The following IGF2R variants were observed in gnomAD, a reference collection of about 807,000 sequenced individuals.
IGF2R encodes the protein insulin like growth factor 2 receptor.
IGF2R carries 91 observed loss-of-function variants against 270.6 expected under a neutral mutation model. That is an observed-to-expected ratio of 0.34 (90% CI 0.28 to 0.40). IGF2R has a LOEUF of 0.40. Ranked by LOEUF, IGF2R falls within the 10% of genes least tolerant of loss-of-function variation. IGF2R has a pLI of 1.00. For missense variants in IGF2R, 2,805 were observed against 3,188.3 expected (o/e 0.88, Z 2.90); for synonymous variants, 1,316 against 1,258.9 (o/e 1.05, Z -0.96).
intron 10 of IGF2R, among the ~76,000 whole-genome samples, chr6:160,039,371 G>A (rs1777892668): frequency 6.6e-6 from 1 of 152,196 alleles, no homozygotes; most frequent in Admixed American, 6.5e-5. Flanking sequence ...TATGCAGTCT[G>A]TTGTTGACCA....
intron 3 of IGF2R, among the ~76,000 whole-genome samples, chr6:160,009,571 G>A (rs1479625683): frequency 1.3e-5 from 2 of 152,130 alleles, no homozygotes; most frequent in South Asian, 2.1e-4. Flanking sequence ...CTTGGCCCGT[G>A]GGTATGGGGT....
At chr6:160,057,181 A>AT (rs1778334394) in intron 20 of IGF2R, among the ~76,000 whole-genome samples, 1 of 152,126 alleles carries the variant, frequency 6.6e-6, no homozygotes, top group Non-Finnish European at 1.5e-5. Flanking sequence ...ACAGGTGTTA[A>AT]TGTGCCACTT....
intron 45 of IGF2R, 48 bp downstream of exon 45, chr6:160,096,673 T>G (rs1341496374): frequency 6.9e-7 from 1 of 1,449,584 alleles, no homozygotes; most frequent in Admixed American, 1.9e-5. Flanking sequence ...ACATCTTCCC[T>G]TAAGAATAAG....
chr6:160,005,654 G>A (rs1784209720), intron 2 of IGF2R: 1 of 152,922 alleles, frequency 6.5e-6, no homozygotes, highest in Non-Finnish European at 1.5e-5. Context: ...GTGTGAACAG[G>A]TTACGAGGTT....
At chr6:160,082,274 G>A (rs1013038764) in intron 39 of IGF2R, among the ~76,000 whole-genome samples, 2 of 151,620 alleles carry the variant, frequency 1.3e-5, no homozygotes, top group Non-Finnish European at 2.9e-5. Flanking sequence ...TCACACTCCT[G>A]TTTTCAAGTA....
intron 1 of IGF2R, among the ~76,000 whole-genome samples, chr6:159,977,852 G>A (rs1253000758): frequency 6.6e-6 from 1 of 151,688 alleles, no homozygotes; most frequent in Non-Finnish European, 1.5e-5. Context: ...TAGGCTAGGC[G>A]TGGGATGCTA....
At chr6:160,025,264 C>A (rs1253630008) in intron 5 of IGF2R, among the ~76,000 whole-genome samples, 2 of 152,180 alleles carry the variant, frequency 1.3e-5, no homozygotes, top group African/African-American at 4.8e-5. Flanking sequence ...CTTTGACTAG[C>A]CTTCAGCTGG....
At chr6:160,056,685 C>T (rs935528437) in intron 20 of IGF2R, among the ~76,000 whole-genome samples, 160 bp downstream of exon 20, 1 of 152,204 alleles carries the variant, frequency 6.6e-6, no homozygotes, top group African/African-American at 2.4e-5. Flanking sequence ...GAGTTCCTCT[C>T]CACTCCGCAG....
chr6:159,979,045 G>C (rs1229364968), intron 1 of IGF2R, among the ~76,000 whole-genome samples: 2 of 152,282 alleles, frequency 1.3e-5, no homozygotes, highest in East Asian at 3.9e-4. Context: ...CTTTGCAGTT[G>C]AGTTGCCTGT....
chr6:160,105,357 G>A lies in IGF2R; in HGVS notation c.*273G>A, dbSNP rs1167751922. 3 of 372,504 alleles carry A rather than the reference G, an allele frequency of 8.1e-6. No individual in the cohort carries two copies. The highest frequency in any genetic ancestry group is 1.5e-5 in the Non-Finnish European group (3 of 206,788). 23.1% of individuals were successfully genotyped at this position (372,504 alleles called of 1,614,324 possible). A position where few individuals can be genotyped will look rare whatever the true frequency, so the allele number is the denominator to read the frequency against. On this transcript the variant is annotated 3_prime_UTR_variant, in exon 48 of 48. Coordinates refer to ENST00000356956, the MANE Select transcript of IGF2R (RefSeq NM_000876.4). ...CCCAAGTCCTCATTTAAAAGCATAAGGCCGGACGCATCTCAAAACAGAGGG... is the reference window on the plus strand; with the variant it reads ...CCCAAGTCCTCATTTAAAAGCATAAAGCCGGACGCATCTCAAAACAGAGGG...
chr6:160,088,322 G>T (rs1009842402), intron 42 of IGF2R, among the ~76,000 whole-genome samples, 175 bp downstream of exon 42: 1 of 152,244 alleles, frequency 6.6e-6, no homozygotes, highest in African/African-American at 2.4e-5. Context: ...CAGATACAGT[G>T]CTGAGACACT....
rs1211307049 is a variant in IGF2R at position 160,096,624 on chromosome 6, G to A, written c.6841G>A (p.Gly2281Arg). 2 of 1,609,424 alleles carry A rather than the reference G, an allele frequency of 1.2e-6. No homozygotes were observed. Among genetic ancestry groups the A allele is most frequent in the East Asian group, 2.2e-5 (1 of 44,718 alleles). Residue 2281 changes from glycine to arginine, a missense_variant and splice_region_variant, in exon 45 of 48, where the codon GGG becomes AGG. By Grantham distance (125) the Gly-to-Arg change is moderately radical. Coordinates refer to ENST00000356956, the MANE Select transcript of IGF2R (RefSeq NM_000876.4). The stretch of plus-strand genomic sequence containing the variant: ...GTACACCTCAGCCGTGTGTCCTCTG[G>A]GGTGAGTATGACATCCGGAAGCTTA... Reference protein sequence around the residue: ...SWYTSAVCPLGVGFDSENPGD... With the variant: ...SWYTSAVCPLRVGFDSENPGD...
intron 43 of IGF2R, 97 bp from the exon 44 acceptor site, chr6:160,089,819 C>CGGACACG: frequency 1.2e-6 from 1 of 801,064 alleles, no homozygotes; most frequent in Non-Finnish European, 1.9e-6. Flanking sequence ...AAGGAAGCAT[C>CGGACACG]CTGGGGCCCT....
In IGF2R at chr6:160,045,994, T is replaced by C. The variant is rs943706689; in HGVS notation, c.1903+112T>C. Reference sequence around the variant, plus strand: ...GTGACCCGCCTTAGAATTTTATTCATGCTGTTTGAACAAAATTCTGAACAT... The same window carrying C: ...GTGACCCGCCTTAGAATTTTATTCACGCTGTTTGAACAAAATTCTGAACAT... On this transcript the variant is annotated intron_variant, in intron 14 of 47. Coordinates refer to ENST00000356956, the MANE Select transcript of IGF2R (RefSeq NM_000876.4). 2.7e-5 allele frequency: 26 copies of C among 948,542 alleles called. No homozygotes were observed. The African/African-American group carries it at 4.4e-4, about 16-fold the overall frequency. The allele number at this position is 948,542 out of a possible 1,614,324, so 58.8% of individuals were successfully genotyped here.
chr6:160,013,030 C>T (rs774726959), intron 4 of IGF2R, among the ~76,000 whole-genome samples: 7 of 151,838 alleles, frequency 4.6e-5, no homozygotes, highest in Non-Finnish European at 7.4e-5. Context: ...TCCTGTTAGA[C>T]CCCAGACCTC....
At chr6:160,029,681 A>G (rs1777651053) in intron 7 of IGF2R, 26 bp downstream of exon 7, 2 of 1,521,462 alleles carry the variant, frequency 1.3e-6, no homozygotes, top group Non-Finnish European at 1.8e-6. Flanking sequence ...CCTGATCACT[A>G]ATGTGGCGCA....
rs761603807 is a variant in IGF2R, at chr6:160,048,428, CAG to C, written c.2400_2401del (p.Glu802ThrfsTer10). The C allele has an allele frequency of 2.5e-6, 4 of 1,614,222 alleles. No homozygotes were observed. The highest frequency in any genetic ancestry group is 1.1e-5 in the South Asian group (1 of 91,084). On this transcript the variant is annotated frameshift_variant, in exon 18 of 48. Coordinates refer to ENST00000356956, the MANE Select transcript of IGF2R (RefSeq NM_000876.4). LOFTEE classifies it high-confidence loss of function. ...GGAAACTGGTATGCCATGGACAACTCAGGGGAACATGTCACGTGGAGGAAATA... is the reference window on the plus strand; with the variant it reads ...GGAAACTGGTATGCCATGGACAACTCGGGAACATGTCACGTGGAGGAAATA...
At position 160,109,714 on chromosome 6, in the gene IGF2R, C is replaced by T. The variant is rs532529957; in HGVS notation, c.*4630C>T. The T allele has an allele frequency of 2.6e-5, 4 of 152,166 alleles. No homozygotes were observed. The highest frequency in any genetic ancestry group is 4.8e-5 in the African/African-American group (2 of 41,432). 9.4% of individuals were successfully genotyped at this position (152,166 alleles called of 1,614,324 possible). A position where few individuals can be genotyped will look rare whatever the true frequency, so the allele number is the denominator to read the frequency against. On this transcript the variant is annotated 3_prime_UTR_variant, in exon 48 of 48. Transcript: ENST00000356956. ...TGGTTTACTTCTGTCTGGAAAGTTTCTCCTTTCTGTAACCTCCATGACCTT... is the reference window on the plus strand; with the variant it reads ...TGGTTTACTTCTGTCTGGAAAGTTTTTCCTTTCTGTAACCTCCATGACCTT...
chr6:160,045,616 TGACCC>T, intron 13 of IGF2R, 124 bp from the exon 14 acceptor site: 1 of 1,105,798 alleles, frequency 9.0e-7, no homozygotes, highest in South Asian at 1.3e-5. Flanking sequence ...GGCTGTTTTT[TGACCC>T]TTCTATGCAT....
Sources: allele counts gnomAD v4.1 joint callset (sites outside exome capture counted in the v4.1 genomes callset), GRCh38; gene constraint gnomAD v4.1.1; transcripts MANE v1.5; gene names NCBI Gene and HGNC (gene_info 2026-07-23, HGNC 2026-07-21).